Variants in DMRT1 observed in about 807,000 individuals in gnomAD.
DMRT1 encodes doublesex- and mab-3-related transcription factor 1.
DMRT1 carries 7 observed loss-of-function variants against 32.3 expected under a neutral mutation model. The ratio of observed to expected loss-of-function variants is 0.22; its 90% CI spans 0.12 to 0.41. DMRT1 has a LOEUF of 0.41. Among genes scored for constraint, DMRT1 ranks in the 10% least tolerant of loss-of-function variants. DMRT1 has a pLI of 1.00. For synonymous variants in DMRT1, 278 were observed against 206.1 expected (o/e 1.35, Z -2.99); for missense variants, 625 against 500.5 (o/e 1.25, Z -2.37).
chr9:880,621 G>T (rs1204090674), intron 2 of DMRT1, among the ~76,000 whole-genome samples: 5 of 151,398 alleles, frequency 3.3e-5, no homozygotes, highest in Non-Finnish European at 7.4e-5. Flanking sequence ...AGCCATTCAG[G>T]AGGCTGAGGC....
chr9:915,056 C>T (rs186745618), intron 3 of DMRT1, among the ~76,000 whole-genome samples: 6 of 152,308 alleles, frequency 3.9e-5, no homozygotes, highest in Admixed American at 3.9e-4. Context: ...GATTGAAAAA[C>T]ATGATTTTGA....
intron 3 of DMRT1, among the ~76,000 whole-genome samples, chr9:913,888 G>A (rs961435863): frequency 2.0e-5 from 1 of 49,028 alleles, no homozygotes; most frequent in African/African-American, 8.5e-5. Flanking sequence ...GTGAGACTCG[G>A]TCTCAAACAA....
At chr9:901,207 G>C (rs1238200855) in intron 3 of DMRT1, among the ~76,000 whole-genome samples, 1 of 152,090 alleles carries the variant, frequency 6.6e-6, no homozygotes, top group Admixed American at 6.5e-5. Flanking sequence ...TAGAGATGGG[G>C]TTTCACCATG....
At chr9:937,271 C>T (rs1396480065) in intron 4 of DMRT1, among the ~76,000 whole-genome samples, 1 of 152,178 alleles carries the variant, frequency 6.6e-6, no homozygotes, top group Admixed American at 6.5e-5. Context: ...GGGTTTCCAC[C>T]CTTTGGCTAC....
At chr9:913,990 A>G (rs1012287682) in intron 3 of DMRT1, among the ~76,000 whole-genome samples, 2 of 152,154 alleles carry the variant, frequency 1.3e-5, no homozygotes, top group African/African-American at 4.8e-5. Context: ...GGCACCAGCA[A>G]TATCAGCATC....
chr9:899,808 A>G (rs560363966), intron 3 of DMRT1, among the ~76,000 whole-genome samples: 9 of 152,358 alleles, frequency 5.9e-5, no homozygotes, highest in South Asian at 2.1e-4. Flanking sequence ...ACTCTGAGCT[A>G]TGCCTCGGAT....
chr9:897,827 A>G (rs1046891429), intron 3 of DMRT1, among the ~76,000 whole-genome samples: 1 of 152,210 alleles, frequency 6.6e-6, no homozygotes, highest in African/African-American at 2.4e-5. Context: ...GTATAAAAAT[A>G]CATATGTTAA....
chr9:925,777 G>T (rs1818503183), intron 4 of DMRT1, among the ~76,000 whole-genome samples: 1 of 152,114 alleles, frequency 6.6e-6, no homozygotes, highest in African/African-American at 2.4e-5. Flanking sequence ...ATCCCCATTT[G>T]ACAGATGAGG....
At chr9:887,529 A>G (rs1816978649) in intron 2 of DMRT1, among the ~76,000 whole-genome samples, 1 of 151,950 alleles carries the variant, frequency 6.6e-6, no homozygotes, top group African/African-American at 2.4e-5. Context: ...TTCCATTCTC[A>G]TTTGCAGTTG....
chr9:847,194 G>A (rs955017179), intron 2 of DMRT1, 51 bp downstream of exon 2: 7 of 1,585,650 alleles, frequency 4.4e-6, no homozygotes, highest in African/African-American at 2.7e-5. Flanking sequence ...GAGGGAGGCC[G>A]AAGGGTTGCA....
chr9:874,429 T>G (rs1322482219), intron 2 of DMRT1, among the ~76,000 whole-genome samples: 1 of 152,226 alleles, frequency 6.6e-6, no homozygotes, highest in Non-Finnish European at 1.5e-5. Context: ...GCCCTTTATT[T>G]GTTTCTGAAC....
chr9:858,853 C>CA (rs1205538076), intron 2 of DMRT1, among the ~76,000 whole-genome samples: 3 of 137,668 alleles, frequency 2.2e-5, no homozygotes, highest in African/African-American at 5.5e-5. Context: ...CAGTCTGTCT[C>CA]AAAAAAAAAA....
chr9:910,319 TA>T lies in DMRT1; in HGVS notation c.823-6431del, dbSNP rs145633265. Among the ~76,000 whole-genome samples the T allele has an allele frequency of 7.5e-3, 1,065 of 141,712 alleles. 6 individuals carry two copies. Among genetic ancestry groups the T allele is most frequent in the African/African-American group, 0.013 (525 of 39,138 alleles). The allele number at this position is 141,712 out of a possible 152,430, so 93.0% of individuals were successfully genotyped here. On this transcript the variant is annotated intron_variant, in intron 3 of 4. Transcript: ENST00000382276. ...AAAACAAATGAAAAAACTTAGAAAT[TA>T]AAAAAAAAAAAAGACTGTTCCCCTT...
At chr9:850,232 T>C (rs946997114) in intron 2 of DMRT1, among the ~76,000 whole-genome samples, 2 of 152,144 alleles carry the variant, frequency 1.3e-5, no homozygotes, top group African/African-American at 2.4e-5. Flanking sequence ...ACTTCTGGAC[T>C]GAGTTAGGAT....
At chr9:859,561 T>C (rs1294468282) in intron 2 of DMRT1, among the ~76,000 whole-genome samples, 1 of 152,198 alleles carries the variant, frequency 6.6e-6, no homozygotes, top group Admixed American at 6.6e-5. Flanking sequence ...TGTCTTCACT[T>C]TCCAAATCAC....
chr9:904,539 C>G (rs1025014752), intron 3 of DMRT1, among the ~76,000 whole-genome samples: 1 of 152,144 alleles, frequency 6.6e-6, no homozygotes, highest in African/African-American at 2.4e-5. Flanking sequence ...GCGTTAGAGA[C>G]TCCTTTATGC....
intron 2 of DMRT1, among the ~76,000 whole-genome samples, chr9:885,042 G>T (rs922143336): frequency 6.6e-6 from 1 of 152,202 alleles, no homozygotes; most frequent in Non-Finnish European, 1.5e-5. Context: ...AAATGGGAAA[G>T]GTCCTCTTGT....
intron 2 of DMRT1, among the ~76,000 whole-genome samples, chr9:856,841 A>G (rs1023712002): frequency 6.6e-6 from 1 of 152,184 alleles, no homozygotes; most frequent in Admixed American, 6.5e-5. Flanking sequence ...GCACTATTTT[A>G]CATTCCTACC....
At chr9:882,991 C>T (rs923626902) in intron 2 of DMRT1, among the ~76,000 whole-genome samples, 1 of 151,744 alleles carries the variant, frequency 6.6e-6, no homozygotes, top group African/African-American at 2.4e-5. Context: ...AGGCTGGTTT[C>T]GAACTCCTGG....
Sources: allele counts gnomAD v4.1 joint callset (sites outside exome capture counted in the v4.1 genomes callset), GRCh38; gene constraint gnomAD v4.1.1; transcripts MANE v1.5; gene names NCBI Gene and HGNC (gene_info 2026-07-23, HGNC 2026-07-21).